Variants in KLHL14 observed in about 807,000 individuals in gnomAD.
KLHL14 encodes the protein kelch-like protein 14.
Under a neutral mutation model 64.3 loss-of-function variants are expected in KLHL14, and 22 were observed. That is an observed-to-expected ratio of 0.34 (90% confidence interval 0.24 to 0.49). The LOEUF is 0.49. KLHL14 is among the 20% of genes least tolerant of loss of function. The pLI, the probability that KLHL14 is intolerant of heterozygous loss-of-function variation, is 0.99. For synonymous variants in KLHL14, 322 were observed against 333.4 expected (o/e 0.97, Z 0.37); for missense variants, 661 against 789.0 (o/e 0.84, Z 1.94).
intron 1 of KLHL14, among the ~76,000 whole-genome samples, chr18:32,771,577 A>C (rs1308348467): frequency 3.3e-5 from 5 of 151,954 alleles, no homozygotes; most frequent in Non-Finnish European, 5.9e-5. Context: ...TTCAGGCATC[A>C]ATCTCCCCTT....
intron 2 of KLHL14, among the ~76,000 whole-genome samples, chr18:32,766,207 A>T (rs2050343085): frequency 6.6e-6 from 1 of 152,074 alleles, no homozygotes; most frequent in Admixed American, 6.5e-5. Context: ...AGTTAATTTT[A>T]TCCAGTTAAT....
At chr18:32,726,214 G>A (rs1026607544) in intron 3 of KLHL14, among the ~76,000 whole-genome samples, 7 of 152,316 alleles carry the variant, frequency 4.6e-5, no homozygotes, top group African/African-American at 1.4e-4. Flanking sequence ...TGCTATAATG[G>A]GAGAGCTGAG....
intron 2 of KLHL14, among the ~76,000 whole-genome samples, chr18:32,756,286 G>A (rs1314006790): frequency 6.6e-6 from 1 of 152,200 alleles, no homozygotes; most frequent in East Asian, 1.9e-4. Context: ...ACCAGGAAGA[G>A]AGGCTCCGCA....
chr18:32,740,794 T>C (rs1006133182), intron 3 of KLHL14: 1 of 152,188 alleles, frequency 6.6e-6, no homozygotes, highest in Non-Finnish European at 1.5e-5. Context: ...CCGTAGCGCA[T>C]TGGTGTCCAG....
chr18:32,715,442 G>C (rs950218863), intron 3 of KLHL14, among the ~76,000 whole-genome samples: 1 of 151,990 alleles, frequency 6.6e-6, no homozygotes, highest in Non-Finnish European at 1.5e-5. Flanking sequence ...AAAAGAGAAA[G>C]TCTTCCTCCT....
rs968419473 is a variant in KLHL14 at position 32,683,549 on chromosome 18, G to T, written c.1239-2950C>A. Among the ~76,000 whole-genome samples, 2 of 152,042 alleles carry T rather than the reference G, an allele frequency of 1.3e-5. No individual in the cohort carries two copies. The highest frequency in any genetic ancestry group is 1.5e-5 in the Non-Finnish European group (1 of 68,024). On this transcript the variant is annotated intron_variant, in intron 5 of 8. Transcript: ENST00000359358. This position sits in a 1 kb window ranked among gnomAD's most constrained non-coding sequence, Gnocchi z 4.2. The stretch of plus-strand genomic sequence containing the variant: ...AGGTTCAGGCTATTTTATTTTGGGG[G>T]GAAAGTAAGTTCAAGATTATTAAAG...
intron 2 of KLHL14, among the ~76,000 whole-genome samples, chr18:32,765,981 T>G (rs1269384600): frequency 6.6e-6 from 1 of 152,086 alleles, no homozygotes; most frequent in African/African-American, 2.4e-5. Flanking sequence ...TGTTAAATGT[T>G]TAAAAAATAT....
rs192725622 is a variant in KLHL14, at chr18:32,691,258, G to A, written c.1160-4025C>T. ...GAGTGCCTTCATGTGCTGAGCATTGGTGGTAGAAACTAGCAATGTTCACTT... is the reference window on the plus strand; with the variant it reads ...GAGTGCCTTCATGTGCTGAGCATTGATGGTAGAAACTAGCAATGTTCACTT... On this transcript the variant is annotated intron_variant, in intron 4 of 8. Transcript: ENST00000359358. Among the ~76,000 whole-genome samples, 51 of 152,288 alleles carry A rather than the reference G, an allele frequency of 3.3e-4. 2 individuals carry two copies. The Middle Eastern group carries it at 0.014, about 41-fold the overall frequency.
intron 2 of KLHL14, among the ~76,000 whole-genome samples, chr18:32,764,056 T>C (rs2144191745): frequency 6.6e-6 from 1 of 152,332 alleles, no homozygotes; most frequent in African/African-American, 2.4e-5. Flanking sequence ...GAGATACAGA[T>C]TGACACTTAG....
chr18:32,742,852 G>A (rs1481046445), intron 2 of KLHL14: 2 of 152,212 alleles, frequency 1.3e-5, no homozygotes, highest in African/African-American at 2.4e-5. Context: ...TCTCCCCCAG[G>A]GGGCAACCAC....
At chr18:32,735,202 T>A (rs1478056200) in intron 3 of KLHL14, among the ~76,000 whole-genome samples, 1 of 152,132 alleles carries the variant, frequency 6.6e-6, no homozygotes, top group Non-Finnish European at 1.5e-5. Flanking sequence ...ATTCCATTCA[T>A]CTGCTTGGAC....
At position 32,770,135 on chromosome 18, in the gene KLHL14, T is replaced by C; in HGVS notation, c.457A>G (p.Thr153Ala). The C allele has an allele frequency of 6.2e-7, 1 of 1,614,134 alleles. No individual in the cohort carries two copies. The highest frequency in any genetic ancestry group is 2.2e-5 in the East Asian group (1 of 44,858). ...CTGACCGACAGCACCTCCTCCACCGTGTCCAGGGACAGGGTCACGTTGGCC... is the reference window on the plus strand; with the variant it reads ...CTGACCGACAGCACCTCCTCCACCGCGTCCAGGGACAGGGTCACGTTGGCC... ...YTANVTLSLD[T>A]VEEVLSVSKI... The change falls in exon 2 of 9, where the codon ACG (threonine) becomes GCG (alanine). Residue 153 changes from threonine (T) to alanine (A), a missense_variant. This residue lies in a region of KLHL14 where 331 missense variants were observed against 339.0 expected (regional missense o/e 0.98). Coordinates refer to ENST00000359358, the MANE Select transcript of KLHL14 (RefSeq NM_020805.3). This position sits in a 1 kb window ranked among gnomAD's most constrained non-coding sequence, Gnocchi z 6.7.
At chr18:32,771,008 TG>T in intron 1 of KLHL14, 1 of 392,842 alleles carries the variant, frequency 2.5e-6, no homozygotes, top group Non-Finnish European at 5.1e-6. Context: ...AGGCACCTCG[TG>T]GGCTCGTGTC....
chr18:32,771,884 C>G (rs2050388855), intron 1 of KLHL14, among the ~76,000 whole-genome samples: 1 of 152,014 alleles, frequency 6.6e-6, no homozygotes, highest in South Asian at 2.1e-4. Flanking sequence ...CTTCTGACCC[C>G]CTCGGTAGAG....
chr18:32,750,043 G>T (rs2050243448), intron 2 of KLHL14, among the ~76,000 whole-genome samples: 1 of 151,798 alleles, frequency 6.6e-6, no homozygotes, highest in African/African-American at 2.4e-5. Flanking sequence ...CAATGAGAGA[G>T]AGAGAGAGGA....
intron 5 of KLHL14, among the ~76,000 whole-genome samples, chr18:32,684,382 T>C (rs1433649822): frequency 2.0e-5 from 3 of 152,160 alleles, no homozygotes; most frequent in Non-Finnish European, 4.4e-5. Flanking sequence ...TTTGGAAGGG[T>C]TGCCTAGGTA....
chr18:32,757,101 T>C (rs1252716784), intron 2 of KLHL14, among the ~76,000 whole-genome samples: 2 of 152,210 alleles, frequency 1.3e-5, no homozygotes, highest in Admixed American at 6.5e-5. Context: ...AAGAATTTGA[T>C]TGTTCATGAA....
At chr18:32,724,189 C>T (rs185738468) in intron 3 of KLHL14, among the ~76,000 whole-genome samples, 20 of 152,252 alleles carry the variant, frequency 1.3e-4, no homozygotes, top group African/African-American at 4.3e-4. Context: ...TCAATTATAG[C>T]GTGACCTTGA....
intron 7 of KLHL14, among the ~76,000 whole-genome samples, chr18:32,679,131 A>G (rs771742603): frequency 3.3e-5 from 5 of 150,084 alleles, no homozygotes; most frequent in Non-Finnish European, 5.9e-5. Context: ...TGAGCAGCAG[A>G]CATGCACTAG....
Sources: allele counts gnomAD v4.1 joint callset (sites outside exome capture counted in the v4.1 genomes callset), GRCh38; gene constraint gnomAD v4.1.1; regional missense constraint gnomAD v4.1.1; non-coding constraint Gnocchi (gnomAD v3.1); transcripts MANE v1.5; gene names NCBI Gene and HGNC (gene_info 2026-07-23, HGNC 2026-07-21).